The following SCEL variants were observed in gnomAD, a reference collection of about 807,000 sequenced individuals.
SCEL encodes sciellin.
A neutral mutation model predicts 117.6 loss-of-function variants in SCEL; 113 were observed. That is an observed-to-expected ratio of 0.96 (90% CI 0.83 to 1.12). SCEL has a LOEUF of 1.12. Among genes scored for constraint, SCEL ranks in the 50% most tolerant of loss-of-function variants. The pLI, the probability that SCEL is intolerant of heterozygous loss-of-function variation, is 0.00. For missense variants in SCEL, 785 were observed against 810.8 expected (o/e 0.97, Z 0.39); for synonymous variants, 270 against 256.2 (o/e 1.05, Z -0.51).
chr13:77,597,670 GACCCACAT>G lies in SCEL; in HGVS notation c.797+85_797+92del, dbSNP rs1259332967. 2.5e-5 allele frequency: 17 copies of G among 690,736 alleles called. No individual in the cohort carries two copies. The East Asian group carries it at 4.8e-4, about 19-fold the overall frequency. The allele number at this position is 690,736 out of a possible 1,614,324, so 42.8% of individuals were successfully genotyped here. On this transcript the variant is annotated intron_variant, in intron 13 of 32. Coordinates refer to ENST00000349847, the MANE Select transcript of SCEL (RefSeq NM_144777.3). ...TGCCTTTCCAGTCTTTGAGCGTGAG[GACCCACAT>G]ACCAGGGTAGTCAAAAATATCCTAC...
intron 27 of SCEL, among the ~76,000 whole-genome samples, chr13:77,625,297 T>A (rs1423273177): frequency 6.6e-6 from 1 of 152,206 alleles, no homozygotes. Context: ...GTTAAGATAG[T>A]TTAGTGACCC....
chr13:77,543,305 G>T lies in SCEL; in HGVS notation c.-20+7481G>T, dbSNP rs71434870. Among the ~76,000 whole-genome samples, 25 of 151,562 alleles carry T rather than the reference G, an allele frequency of 1.6e-4. 1 individual carries two copies. The South Asian group carries it at 4.8e-3, about 29-fold the overall frequency. On this transcript the variant is annotated intron_variant, in intron 1 of 32. Coordinates refer to ENST00000349847, the MANE Select transcript of SCEL (RefSeq NM_144777.3). Reference sequence around the variant, plus strand: ...TCACCGTTTTAGCCGGGATGGTCTCGATCTCCTGACCTCGTGATCCGCCCG... The same window carrying T: ...TCACCGTTTTAGCCGGGATGGTCTCTATCTCCTGACCTCGTGATCCGCCCG...
chr13:77,604,171 G>A (rs1276883752), intron 18 of SCEL, 185 bp from the exon 19 acceptor site: 5 of 412,110 alleles, frequency 1.2e-5, no homozygotes, highest in Non-Finnish European at 4.2e-6. Context: ...TAACAAATAA[G>A]CAACATTAAA....
At chr13:77,542,160 A>C (rs1415633216) in intron 1 of SCEL, among the ~76,000 whole-genome samples, 4 of 152,108 alleles carry the variant, frequency 2.6e-5, no homozygotes, top group Non-Finnish European at 5.9e-5. Flanking sequence ...TAAAAACCAG[A>C]ATCAGGCCGA....
intron 15 of SCEL, chr13:77,600,003 C>T: frequency 4.6e-6 from 2 of 436,380 alleles, no homozygotes; most frequent in Non-Finnish European, 8.2e-6. Context: ...TAGATGATCT[C>T]CCAGTTCCCC....
intron 30 of SCEL, among the ~76,000 whole-genome samples, chr13:77,637,790 C>T (rs1390547048): frequency 6.6e-6 from 1 of 152,136 alleles, no homozygotes; most frequent in Non-Finnish European, 1.5e-5. Context: ...GCTGCTGTGA[C>T]CCACTCTGGG....
At chr13:77,617,964 A>G (rs1594137065) in intron 26 of SCEL, 40 bp from the exon 27 acceptor site, 2 of 1,601,638 alleles carry the variant, frequency 1.2e-6, no homozygotes, top group Non-Finnish European at 8.6e-7. Flanking sequence ...CCCAAAATCT[A>G]TTACCAATCT....
At chr13:77,590,573 C>T (rs1323135068) in intron 10 of SCEL, among the ~76,000 whole-genome samples, 2 of 151,990 alleles carry the variant, frequency 1.3e-5, no homozygotes, top group African/African-American at 4.8e-5. Context: ...ATCACTAGAG[C>T]TACAAGCTTG....
intron 7 of SCEL, among the ~76,000 whole-genome samples, chr13:77,569,126 A>T (rs2085452657): frequency 6.6e-6 from 1 of 152,242 alleles, no homozygotes; most frequent in African/African-American, 2.4e-5. Context: ...CCGACAGTTA[A>T]TGTCATTTTA....
At chr13:77,558,122 A>G (rs962061702) in intron 3 of SCEL, among the ~76,000 whole-genome samples, 1 of 152,222 alleles carries the variant, frequency 6.6e-6, no homozygotes, top group African/African-American at 2.4e-5. Flanking sequence ...TAGACCATAC[A>G]TTTTGGATTG....
At chr13:77,612,446 TTTTTCTTTTC>T (rs1426107795) in intron 22 of SCEL, among the ~76,000 whole-genome samples, 9 of 125,792 alleles carry the variant, frequency 7.2e-5, no homozygotes. Context: ...AATAACTGCT[TTTTTCTTTTC>T]TTTTTTTTTT....
chr13:77,570,089 C>G (rs932339868), intron 8 of SCEL, among the ~76,000 whole-genome samples: 1 of 152,216 alleles, frequency 6.6e-6, no homozygotes, highest in Admixed American at 6.5e-5. Context: ...AAATGGAAAA[C>G]AAGCATTTAC....
At chr13:77,635,000 A>G (rs986490496) in intron 29 of SCEL, among the ~76,000 whole-genome samples, 2 of 152,172 alleles carry the variant, frequency 1.3e-5, no homozygotes, top group African/African-American at 4.8e-5. Flanking sequence ...TAAAACAAGA[A>G]TTGTCCCAAT....
chr13:77,593,601 G>GT (rs771846126), intron 12 of SCEL, 28 bp downstream of exon 12: 1 of 1,582,432 alleles, frequency 6.3e-7, no homozygotes, highest in South Asian at 1.1e-5. Context: ...TTGAGCTTGG[G>GT]TTTTATCTTC....
intron 4 of SCEL, among the ~76,000 whole-genome samples, chr13:77,560,653 A>G (rs1468510358): frequency 1.3e-5 from 2 of 152,222 alleles, no homozygotes; most frequent in African/African-American, 2.4e-5. Flanking sequence ...AATTAAGACA[A>G]AACAGTAATC....
rs529828137 is a variant in SCEL, at chr13:77,569,559, C to T, written c.479+108C>T. On this transcript the variant is annotated intron_variant, in intron 8 of 32. Coordinates refer to ENST00000349847, the MANE Select transcript of SCEL (RefSeq NM_144777.3). Reference sequence around the variant, plus strand: ...GATCCAGCATCTACATTCTGCTGTTCCCAAACTTCAGCTCTTTCCCCCAGC... The same window carrying T: ...GATCCAGCATCTACATTCTGCTGTTTCCAAACTTCAGCTCTTTCCCCCAGC... 2.5e-5 allele frequency: 19 copies of T among 750,932 alleles called. 1 individual carries two copies. In the South Asian group the frequency reaches 3.2e-4, roughly 13 times the overall value. 46.5% of individuals were successfully genotyped at this position (750,932 alleles called of 1,614,324 possible).
chr13:77,573,656 T>G (rs1020566283), intron 9 of SCEL, among the ~76,000 whole-genome samples: 1 of 152,020 alleles, frequency 6.6e-6, no homozygotes, highest in Admixed American at 6.6e-5. Context: ...TATCTATCTA[T>G]CTATCTATCT....
intron 27 of SCEL, among the ~76,000 whole-genome samples, chr13:77,620,019 C>A (rs1445448480): frequency 6.6e-6 from 1 of 152,062 alleles, no homozygotes; most frequent in African/African-American, 2.4e-5. Context: ...AATGAAATAT[C>A]CGTAGAAAGA....
At chr13:77,594,996 A>G (rs1467454989) in intron 12 of SCEL, among the ~76,000 whole-genome samples, 1 of 152,060 alleles carries the variant, frequency 6.6e-6, no homozygotes, top group Non-Finnish European at 1.5e-5. Context: ...CTCTAATTTT[A>G]TTGATTTATT....
Sources: gnomAD v4.1 joint callset for allele counts (sites outside exome capture counted in the v4.1 genomes callset) on GRCh38, gnomAD v4.1.1 for gene constraint, MANE v1.5 for transcripts, NCBI Gene and HGNC (gene_info 2026-07-23, HGNC 2026-07-21) for gene names.